The following CFAP74 variants were observed in gnomAD, a reference collection of about 807,000 sequenced individuals.
CFAP74 encodes cilia- and flagella-associated protein 74.
CFAP74 carries 124 observed loss-of-function variants against 188.9 expected under a neutral mutation model. That is an observed-to-expected ratio of 0.66 (90% CI 0.57 to 0.76). The LOEUF (loss-of-function observed/expected upper bound fraction) is 0.76. Ranked by LOEUF, CFAP74 falls within the 30% of genes least tolerant of loss-of-function variation. The pLI is 0.00. For synonymous variants in CFAP74, 956 were observed against 916.7 expected (o/e 1.04, Z -0.77); for missense variants, 2,198 against 2,165.2 (o/e 1.02, Z -0.30).
chr1:1,990,189 T>C (rs1170369936), intron 2 of CFAP74, among the ~76,000 whole-genome samples: 1 of 152,214 alleles, frequency 6.6e-6, no homozygotes, highest in African/African-American at 2.4e-5. Flanking sequence ...GTTCTCTGTG[T>C]CTTCAATAAT....
intron 25 of CFAP74, among the ~76,000 whole-genome samples, chr1:1,937,438 C>T (rs1181090017): frequency 6.6e-6 from 1 of 152,118 alleles, no homozygotes; most frequent in Non-Finnish European, 1.5e-5. Flanking sequence ...TGGAGGGAGG[C>T]CCCAGTGGCC....
At chr1:1,963,623 G>A (rs372033824) in intron 14 of CFAP74, 126 bp downstream of exon 14, 14 of 607,514 alleles carry the variant, frequency 2.3e-5, no homozygotes, top group African/African-American at 1.3e-4. Flanking sequence ...CAAAATCTTC[G>A]TGAAAATCGG....
At chr1:1,989,803 A>G (rs13303156) in intron 2 of CFAP74, among the ~76,000 whole-genome samples, 59,470 of 152,106 alleles carry the variant, frequency 0.39, 14,171 homozygotes, top group African/African-American at 0.68. Context: ...TGGTGGTACC[A>G]CACCCGGCCA....
At position 1,948,342 on chromosome 1, in the gene CFAP74, T is replaced by A. The variant is rs190756090; in HGVS notation, c.2177-1288A>T. Among the ~76,000 whole-genome samples, 192 of 149,770 alleles carry A rather than the reference T, an allele frequency of 1.3e-3. 2 individuals are homozygous for A. The highest frequency in any genetic ancestry group is 4.5e-3 in the African/African-American group (183 of 40,278). ...GGCTGGAGTGCAGTGGTGCGATCACTGCACCCTGCAGCCTCGGCCTCCTGG... is the reference window on the plus strand; with the variant it reads ...GGCTGGAGTGCAGTGGTGCGATCACAGCACCCTGCAGCCTCGGCCTCCTGG... On this transcript the variant is annotated intron_variant, in intron 18 of 38. Transcript: ENST00000682832.
intron 32 of CFAP74, 137 bp from the exon 33 acceptor site, chr1:1,926,075 C>T (rs570156735): frequency 7.5e-5 from 105 of 1,402,168 alleles, no homozygotes; most frequent in African/African-American, 5.1e-4. Flanking sequence ...GCTCACTTGG[C>T]GGCTGGTGTG....
At chr1:1,999,073 A>G (rs6605080) in intron 1 of CFAP74, among the ~76,000 whole-genome samples, 49,714 of 152,044 alleles carry the variant, frequency 0.33, 8,877 homozygotes, top group African/African-American at 0.47. Flanking sequence ...AGAGAATGAG[A>G]AACTCGTCTG....
intron 25 of CFAP74, 121 bp downstream of exon 25, chr1:1,938,734 C>T (rs1281414955): frequency 1.3e-5 from 16 of 1,209,174 alleles, no homozygotes; most frequent in Non-Finnish European, 1.2e-5. Flanking sequence ...CTGCCCAGCC[C>T]AGCCCTGTGG....
chr1:2,001,730 A>G (rs912408585), intron 1 of CFAP74, among the ~76,000 whole-genome samples: 2 of 152,190 alleles, frequency 1.3e-5, no homozygotes, highest in African/African-American at 4.8e-5. Context: ...TAACGTGACA[A>G]CGTGACCACT....
intron 13 of CFAP74, 104 bp downstream of exon 13, chr1:1,964,782 TCC>T (rs1206479138): frequency 1.7e-6 from 2 of 1,208,612 alleles, no homozygotes; most frequent in Non-Finnish European, 2.4e-6. Flanking sequence ...AGAGTGAGAC[TCC>T]ATCTCAAAAA....
At chr1:1,941,239 G>A (rs935534803) in intron 22 of CFAP74, among the ~76,000 whole-genome samples, 1 of 152,316 alleles carries the variant, frequency 6.6e-6, no homozygotes, top group Non-Finnish European at 1.5e-5. Flanking sequence ...GCTCAGCTCC[G>A]CCCTGTTCCC....
chr1:1,926,623 G>A (rs1219385425), intron 30 of CFAP74, 29 bp downstream of exon 30: 48 of 1,546,002 alleles, frequency 3.1e-5, no homozygotes, highest in Non-Finnish European at 3.6e-5. Flanking sequence ...GCACCGGGGT[G>A]GAGGTGTGGG....
chr1:2,001,425 G>A (rs543909380), intron 1 of CFAP74, among the ~76,000 whole-genome samples: 72 of 152,190 alleles, frequency 4.7e-4, no homozygotes, highest in African/African-American at 1.6e-3. Flanking sequence ...CGCCTCCTGG[G>A]TTCACGCCAT....
chr1:1,926,045 G>C (rs891119582), intron 32 of CFAP74, 107 bp from the exon 33 acceptor site: 7 of 1,406,142 alleles, frequency 5.0e-6, no homozygotes, highest in African/African-American at 4.3e-5. Context: ...AGACAGCTCT[G>C]GGGGGGCTCT....
At chr1:1,993,850 C>T (rs549099356) in intron 1 of CFAP74, among the ~76,000 whole-genome samples, 318 of 150,880 alleles carry the variant, frequency 2.1e-3, no homozygotes, top group South Asian at 3.6e-3. Flanking sequence ...GGCGTGGTGG[C>T]GGGCGCCTAT....
At chr1:1,987,611 G>A (rs890851707) in intron 4 of CFAP74, among the ~76,000 whole-genome samples, 4 of 151,580 alleles carry the variant, frequency 2.6e-5, no homozygotes, top group African/African-American at 9.7e-5. Flanking sequence ...GCGCGATCTC[G>A]GCTCACTGCA....
chr1:1,951,063 A>G (rs1402293115), intron 18 of CFAP74, among the ~76,000 whole-genome samples: 2 of 152,188 alleles, frequency 1.3e-5, no homozygotes, highest in Non-Finnish European at 2.9e-5. Flanking sequence ...GAACTGCCCG[A>G]GACTGGGTAA....
chr1:1,959,201 C>T lies in CFAP74; in HGVS notation c.1770G>A (p.Lys590=), dbSNP rs780615887. ...AAAATGAGATATTTCCTTCTAGATC[C>T]TTGTTTATCTAAAACATAAAACAAC... The part of the protein sequence containing the change: ...VLVTFKPMIN[K]DLEGNISFLA... Residue 590 remains lysine (K), a synonymous_variant, in exon 16 of 39, where the codon AAG becomes AAA. Coordinates refer to ENST00000682832, the MANE Select transcript of CFAP74 (RefSeq NM_001304360.2). 1.0e-5 allele frequency: 16 copies of T among 1,604,502 alleles called. No individual in the cohort carries two copies. The Middle Eastern group carries it at 4.9e-4, about 50-fold the overall frequency.
intron 1 of CFAP74, among the ~76,000 whole-genome samples, chr1:1,993,273 A>C: frequency 6.6e-6 from 1 of 151,640 alleles, no homozygotes; most frequent in East Asian, 1.9e-4. Flanking sequence ...TGAGAATTAA[A>C]TTTAATGGCT....
Position 1,926,903 on chromosome 1 carries a change from A to T in CFAP74, c.3653T>A (p.Leu1218Gln). 1 of 1,549,994 alleles carries T rather than the reference A, an allele frequency of 6.5e-7. No homozygotes were observed. ...DIKDRKGSEP[L>Q]SFSPHNTLYL... is the part of the protein sequence containing the mutation. ...CCAGAGCACCCCGCACCTGAAGCTC[A>T]GGGGTTCTGACCCCTTCCTGTCTTT... Residue 1218 changes from leucine to glutamine, a missense_variant, in exon 29 of 39, where the codon CTG becomes CAG. Coordinates refer to ENST00000682832, the MANE Select transcript of CFAP74 (RefSeq NM_001304360.2).
Sources: gnomAD v4.1 joint callset for allele counts (sites outside exome capture counted in the v4.1 genomes callset) on GRCh38, gnomAD v4.1.1 for gene constraint, MANE v1.5 for transcripts, NCBI Gene and HGNC (gene_info 2026-07-23, HGNC 2026-07-21) for gene names.